ASIC2: variants seen among roughly 807,000 people sequenced by gnomAD.
ASIC2 encodes acid-sensing ion channel 2.
In ASIC2, 25 loss-of-function variants were observed where a neutral mutation model predicts 57.3. The ratio of observed to expected loss-of-function variants is 0.44; its 90% confidence interval spans 0.32 to 0.61. ASIC2 has a LOEUF of 0.61. ASIC2 is among the 20% of genes least tolerant of loss of function. The pLI is 0.06. For missense variants in ASIC2, 641 were observed against 738.1 expected, an observed-to-expected ratio of 0.87 and a Z score of 1.52; for synonymous variants, 319 against 307.5, an observed-to-expected ratio of 1.04 and a Z score of -0.39.
At chr17:33,536,411 T>C (rs1188130456) in intron 1 of ASIC2, among the ~76,000 whole-genome samples, 3 of 152,232 alleles carry the variant, frequency 2.0e-5, no homozygotes, top group Non-Finnish European at 2.9e-5. Flanking sequence ...GTTGATGTCA[T>C]ATTGAAAGTT....
At chr17:33,073,732 C>A (rs2092078523) in intron 3 of ASIC2, among the ~76,000 whole-genome samples, 1 of 152,122 alleles carries the variant, frequency 6.6e-6, no homozygotes, top group South Asian at 2.1e-4. Context: ...TGTTGAGGGA[C>A]AAATGGAGAA....
chr17:33,038,961 C>T (rs969323560), intron 3 of ASIC2, among the ~76,000 whole-genome samples: 2 of 152,170 alleles, frequency 1.3e-5, no homozygotes, highest in African/African-American at 2.4e-5. Flanking sequence ...CTGGGCCCTT[C>T]CCTCCTTTGT....
At chr17:33,682,455 G>C (rs1423326188) in intron 1 of ASIC2, among the ~76,000 whole-genome samples, 2 of 152,068 alleles carry the variant, frequency 1.3e-5, no homozygotes, top group South Asian at 4.1e-4. Context: ...ACATCCAGAA[G>C]ACCTGCGTGC....
chr17:33,166,157 C>A (rs528729899), intron 1 of ASIC2, among the ~76,000 whole-genome samples: 8 of 152,292 alleles, frequency 5.3e-5, no homozygotes, highest in Middle Eastern at 3.4e-3. Flanking sequence ...AAGTACTTTC[C>A]TGAATTTACA....
intron 1 of ASIC2, among the ~76,000 whole-genome samples, chr17:33,504,795 G>A (rs1914201592): frequency 6.6e-6 from 1 of 152,142 alleles, no homozygotes; most frequent in Non-Finnish European, 1.5e-5. Context: ...ATTGATTCCT[G>A]GGCTCAGTAT....
intron 1 of ASIC2, among the ~76,000 whole-genome samples, chr17:33,983,597 C>T (rs566195560): frequency 2.6e-5 from 4 of 152,280 alleles, no homozygotes; most frequent in African/African-American, 9.6e-5. Flanking sequence ...ATGGCCTCTG[C>T]CTGCTGCCAA....
intron 1 of ASIC2, among the ~76,000 whole-genome samples, chr17:34,016,337 C>T (rs1165565702): frequency 3.4e-5 from 5 of 145,930 alleles, no homozygotes; most frequent in African/African-American, 7.8e-5. Context: ...GGCAGGAGAA[C>T]GGCGTGAACC....
At chr17:33,072,917 G>T (rs2092074945) in intron 3 of ASIC2, among the ~76,000 whole-genome samples, 1 of 152,242 alleles carries the variant, frequency 6.6e-6, no homozygotes. Flanking sequence ...GGGAAGTGAT[G>T]CAGCAATCAA....
intron 1 of ASIC2, among the ~76,000 whole-genome samples, chr17:33,225,927 CCT>C (rs1245443735): frequency 1.3e-5 from 2 of 152,170 alleles, no homozygotes; most frequent in African/African-American, 4.8e-5. Context: ...GACTTTCTTT[CCT>C]CTCTCATTTT....
intron 1 of ASIC2, among the ~76,000 whole-genome samples, chr17:34,144,801 C>A (rs994007587): frequency 6.6e-6 from 1 of 152,176 alleles, no homozygotes; most frequent in Non-Finnish European, 1.5e-5. Context: ...GCTCTTCATT[C>A]TTCCAACATT....
intron 1 of ASIC2, among the ~76,000 whole-genome samples, chr17:33,598,153 TA>T (rs1905034644): frequency 6.6e-6 from 1 of 152,228 alleles, no homozygotes; most frequent in Non-Finnish European, 1.5e-5. Context: ...GAGAAATGAC[TA>T]TTCATGAAAT....
chr17:33,632,921 T>C (rs1329160043), intron 1 of ASIC2, among the ~76,000 whole-genome samples: 2 of 152,212 alleles, frequency 1.3e-5, no homozygotes, highest in Admixed American at 6.5e-5. Context: ...TCAAATATAG[T>C]TGGGGTTCCA....
intron 1 of ASIC2, among the ~76,000 whole-genome samples, chr17:34,013,378 A>G (rs57010172): frequency 0.058 from 8,871 of 152,224 alleles, 828 homozygotes; most frequent in African/African-American, 0.2. Flanking sequence ...TCCTCTGCAA[A>G]GGTCTCTTCC....
intron 1 of ASIC2, among the ~76,000 whole-genome samples, chr17:33,813,952 T>G: frequency 6.6e-6 from 1 of 152,102 alleles, no homozygotes; most frequent in South Asian, 2.1e-4. Context: ...AAGGTCTCTG[T>G]GGGGACATTC....
Position 33,170,860 on chromosome 17 carries a change from A to C in ASIC2, c.709-58793T>G, listed in dbSNP as rs556030477. 5.3e-5 allele frequency among the ~76,000 whole-genome samples: 8 copies of C among 152,356 alleles called. No individual in the cohort carries two copies. The East Asian group carries it at 1.4e-3, about 26-fold the overall frequency. On this transcript the variant is annotated intron_variant, in intron 1 of 9. Coordinates refer to ENST00000225823, the MANE Select transcript of ASIC2 (RefSeq NM_183377.2). ...GGAGATCAGGAGCTCTCTACTTCCT[A>C]TAGCAACATACTTCAGTTTGCACAG...
intron 1 of ASIC2, among the ~76,000 whole-genome samples, chr17:33,911,804 T>G (rs1056832374): frequency 5.3e-5 from 8 of 152,122 alleles, no homozygotes; most frequent in African/African-American, 1.9e-4. Context: ...TACTACGCCA[T>G]GTCAATCATT....
intron 1 of ASIC2, among the ~76,000 whole-genome samples, chr17:33,374,074 C>T (rs781464312): frequency 6.6e-6 from 1 of 152,174 alleles, no homozygotes. Context: ...TGGCTCGCTG[C>T]AACCACCACC....
At chr17:33,535,897 G>C (rs1915212512) in intron 1 of ASIC2, among the ~76,000 whole-genome samples, 1 of 152,160 alleles carries the variant, frequency 6.6e-6, no homozygotes, top group Non-Finnish European at 1.5e-5. Flanking sequence ...GCATAAAAGA[G>C]ACATCAACTT....
rs543504442 is a variant in ASIC2, at chr17:33,591,284, T to C, written c.556-479217A>G. On this transcript the variant is annotated intron_variant, in intron 1 of 9. Coordinates refer to the ASIC2 transcript ENST00000359872. ...ATTCGGAATTGTGTGACACATAAAA[T>C]TGCCCCAGAGTCCCTGGACCACTCT... is the stretch of plus-strand genomic sequence containing the variant. Among the ~76,000 whole-genome samples, 5 of 152,292 alleles carry C rather than the reference T, an allele frequency of 3.3e-5. No homozygotes were observed. The South Asian group carries it at 1.0e-3, about 32-fold the overall frequency.
Sources: gnomAD v4.1 joint callset for allele counts (sites outside exome capture counted in the v4.1 genomes callset) on GRCh38, gnomAD v4.1.1 for gene constraint, MANE v1.5 for transcripts, NCBI Gene and HGNC (gene_info 2026-07-23, HGNC 2026-07-21) for gene names.